GREM1: variants seen among roughly 807,000 people sequenced by gnomAD.
GREM1 encodes the protein gremlin 1, DAN family BMP antagonist.
A neutral mutation model predicts 13.1 loss-of-function variants in GREM1; 6 were observed. That is an observed-to-expected ratio of 0.46 (90% CI 0.25 to 0.91). GREM1 has a LOEUF of 0.91. GREM1 is among the 40% of genes least tolerant of loss of function. GREM1 has a pLI of 0.18. For missense variants in GREM1, 185 were observed against 233.9 expected (o/e 0.79, Z 1.36); for synonymous variants, 98 against 93.7 (o/e 1.05, Z -0.27).
At chr15:32,730,429 G>A (rs1056867183) in intron 1 of GREM1, among the ~76,000 whole-genome samples, 1 of 152,210 alleles carries the variant, frequency 6.6e-6, no homozygotes, top group South Asian at 2.1e-4. Flanking sequence ...TGTGAGAATA[G>A]GTGCAGAGAA....
intron 1 of GREM1, among the ~76,000 whole-genome samples, chr15:32,725,124 G>A (rs1470651789): frequency 6.6e-6 from 1 of 152,150 alleles, no homozygotes; most frequent in Non-Finnish European, 1.5e-5. Context: ...ATATTAGAAT[G>A]ATTTATAATC....
chr15:32,738,083 C>CAAAA lies in GREM1; in HGVS notation c.*6885_*6888dup, dbSNP rs67118209. The CAAAA allele has an allele frequency of 1.1e-4, 2 of 18,930 alleles. No homozygotes were observed. Among genetic ancestry groups the CAAAA allele is most frequent in the Middle Eastern group, 0.045 (1 of 22 alleles). The allele number at this position is 18,930 out of a possible 1,614,324, so 1.2% of individuals were successfully genotyped here. On this transcript the variant is annotated 3_prime_UTR_variant, in exon 2 of 2. Transcript: ENST00000651154. ...GGAGGTTCTACCTAGGGTAATTAGG[C>CAAAA]AAAAAAAAAAAAAAAAAAAAAAAAA...
Position 32,730,790 on chromosome 15 carries a change from C to G in GREM1, c.100C>G (p.Pro34Ala). The G allele has an allele frequency of 6.2e-7, 1 of 1,613,818 alleles. No individual in the cohort carries two copies. Among genetic ancestry groups the G allele is most frequent in the Non-Finnish European group, 8.5e-7 (1 of 1,179,978 alleles). Reference protein sequence around the residue: ...GKKKGSQGAIPPPDKAQHNDS... With the variant: ...GKKKGSQGAIAPPDKAQHNDS... ...AAAGAAAGGGTCCCAAGGTGCCATC[C>G]CCCCGCCAGACAAGGCCCAGCACAA... is the stretch of plus-strand genomic sequence containing the variant. The change falls in exon 2 of 2, where the codon CCC becomes GCC. Residue 34 changes from proline (P) to alanine (A), a missense_variant. Coordinates refer to ENST00000651154, the MANE Select transcript of GREM1 (RefSeq NM_013372.7).
intron 1 of GREM1, among the ~76,000 whole-genome samples, chr15:32,726,215 A>G (rs181408969): frequency 9.8e-5 from 15 of 152,312 alleles, no homozygotes; most frequent in African/African-American, 3.4e-4. Context: ...TCAGTATCGC[A>G]TCGCACTTAT....
chr15:32,719,282 C>T (rs551284051), intron 1 of GREM1, among the ~76,000 whole-genome samples: 2 of 152,256 alleles, frequency 1.3e-5, no homozygotes, highest in Non-Finnish European at 2.9e-5. Context: ...GCATTGCCTT[C>T]GGATCGCAGC....
In GREM1 at chr15:32,743,111, T is replaced by G. The variant is rs1338657598; in HGVS notation, c.*11866T>G. ...AAGACACGGGGTGACATGAGACCAC[T>G]TTGGCAAATCAGAATGCTCATTCCA... On this transcript the variant is annotated 3_prime_UTR_variant, in exon 2 of 2. Transcript: ENST00000651154. 3 of 152,238 alleles carry G rather than the reference T, an allele frequency of 2.0e-5. No homozygotes were observed. Among genetic ancestry groups the G allele is most frequent in the Non-Finnish European group, 2.9e-5 (2 of 68,042 alleles). 9.4% of individuals were successfully genotyped at this position (152,238 alleles called of 1,614,324 possible). A position where few individuals can be genotyped will look rare whatever the true frequency, so the allele number is the denominator to read the frequency against.
At position 32,738,083 on chromosome 15, in the gene GREM1, C is replaced by CCAAAAAAAAA. The variant is rs2055720047; in HGVS notation, c.*6838_*6839insCAAAAAAAAA. 2.1e-4 allele frequency: 4 copies of CCAAAAAAAAA among 18,910 alleles called. No homozygotes were observed. Among genetic ancestry groups the CCAAAAAAAAA allele is most frequent in the Non-Finnish European group, 2.6e-4 (3 of 11,650 alleles). The allele number at this position is 18,910 out of a possible 1,614,324, so 1.2% of individuals were successfully genotyped here. ...GGAGGTTCTACCTAGGGTAATTAGGCAAAAAAAAAAAAAAAAAAAAAAAAA... is the reference window on the plus strand; with the variant it reads ...GGAGGTTCTACCTAGGGTAATTAGGCCAAAAAAAAAAAAAAAAAAAAAAAAAAAAAAAAAA... On this transcript the variant is annotated 3_prime_UTR_variant, in exon 2 of 2. Transcript: ENST00000651154.
rs1394075714 is a variant in GREM1, at chr15:32,741,414, C to T, written c.*10169C>T. 1.3e-5 allele frequency: 2 copies of T among 150,242 alleles called. No individual in the cohort carries two copies. The highest frequency in any genetic ancestry group is 3.0e-5 in the Non-Finnish European group (2 of 67,674). The allele number at this position is 150,242 out of a possible 1,614,324, so 9.3% of individuals were successfully genotyped here. On this transcript the variant is annotated 3_prime_UTR_variant, in exon 2 of 2. Transcript: ENST00000651154. ...GACCTTTCACTTTCTTAGTTTATTC[C>T]AGGGTCTTTTTTTTTTTTGCTGCTA...
At chr15:32,728,577 A>C (rs919196921) in intron 1 of GREM1, among the ~76,000 whole-genome samples, 2 of 152,240 alleles carry the variant, frequency 1.3e-5, no homozygotes, top group African/African-American at 4.8e-5. Context: ...TGTTCATTAG[A>C]AAATCTAGAT....
In GREM1 at chr15:32,734,544, G is replaced by A. The variant is rs2055672434; in HGVS notation, c.*3299G>A. 1 of 247,076 alleles carries A rather than the reference G, an allele frequency of 4.0e-6. No homozygotes were observed. The highest frequency in any genetic ancestry group is 2.2e-5 in the African/African-American group (1 of 45,288). The allele number at this position is 247,076 out of a possible 1,614,324, so 15.3% of individuals were successfully genotyped here. On this transcript the variant is annotated 3_prime_UTR_variant, in exon 2 of 2. Transcript: ENST00000651154. ...TAGGAGGATGAAAGGGGAGTTGATA[G>A]TCTCATAAAACTAATTTGGCTTCAA... is the stretch of plus-strand genomic sequence containing the variant.
intron 1 of GREM1, among the ~76,000 whole-genome samples, chr15:32,729,178 T>C (rs1214336507): frequency 8.1e-6 from 1 of 123,796 alleles, no homozygotes; most frequent in Non-Finnish European, 1.9e-5. Flanking sequence ...CGCCCGCCAC[T>C]ACGCCCGGCT....
In GREM1 at chr15:32,731,191, G is replaced by A. The variant is rs1300990964; in HGVS notation, c.501G>A (p.Lys167=). Residue 167 remains lysine (K), a synonymous_variant, in exon 2 of 2, where the codon AAG becomes AAA. Transcript: ENST00000651154. ...NCPELQPPTK[K]KRVTRVKQCR... is the part of the protein sequence containing the mutation. The stretch of plus-strand genomic sequence containing the variant: ...CTGAACTACAGCCACCTACCAAGAA[G>A]AAGAGAGTCACACGTGTGAAGCAGT... The A allele has an allele frequency of 6.2e-7, 1 of 1,614,166 alleles. No individual in the cohort carries two copies. The highest frequency in any genetic ancestry group is 1.7e-5 in the Admixed American group (1 of 60,020).
In GREM1 at chr15:32,721,875, G is replaced by A. The variant is rs574900798; in HGVS notation, c.-2+3714G>A. 1.1e-4 allele frequency among the ~76,000 whole-genome samples: 16 copies of A among 152,268 alleles called. No homozygotes were observed. The South Asian group carries it at 2.5e-3, about 24-fold the overall frequency. ...TTAATAATTTATTACTTTCTAACTCGTTTCTTGTTGACCTCAAGAATTGTA... is the reference window on the plus strand; with the variant it reads ...TTAATAATTTATTACTTTCTAACTCATTTCTTGTTGACCTCAAGAATTGTA... On this transcript the variant is annotated intron_variant, in intron 1 of 1. Coordinates refer to ENST00000651154, the MANE Select transcript of GREM1 (RefSeq NM_013372.7).
chr15:32,738,083 C>A lies in GREM1; in HGVS notation c.*6838C>A, dbSNP rs1236138334. On this transcript the variant is annotated 3_prime_UTR_variant, in exon 2 of 2. Transcript: ENST00000651154. ...GGAGGTTCTACCTAGGGTAATTAGG[C>A]AAAAAAAAAAAAAAAAAAAAAAAAA... 34 of 18,906 alleles carry A rather than the reference C, an allele frequency of 1.8e-3. No homozygotes were observed. The highest frequency in any genetic ancestry group is 5.7e-3 in the African/African-American group (25 of 4,356). 1.2% of individuals were successfully genotyped at this position (18,906 alleles called of 1,614,324 possible).
At position 32,735,158 on chromosome 15, in the gene GREM1, T is replaced by C. The variant is rs2055681407; in HGVS notation, c.*3913T>C. ...GATATCATTTAATAGGGATGTGAAG[T>C]AGAGTAAGTCACTGCCCTTGGTGTG... On this transcript the variant is annotated 3_prime_UTR_variant, in exon 2 of 2. Transcript: ENST00000651154. The C allele has an allele frequency of 6.6e-6, 1 of 152,190 alleles. No homozygotes were observed. The highest frequency in any genetic ancestry group is 2.4e-5 in the African/African-American group (1 of 41,448). The allele number at this position is 152,190 out of a possible 1,614,324, so 9.4% of individuals were successfully genotyped here.
At position 32,738,126 on chromosome 15, in the gene GREM1, AAAAAAAAGAAAAGAAAAAAG is replaced by A. The variant is rs1567117556; in HGVS notation, c.*6882_*6901del. The A allele has an allele frequency of 9.3e-6, 1 of 107,170 alleles. No individual in the cohort carries two copies. Among genetic ancestry groups the A allele is most frequent in the African/African-American group, 4.8e-5 (1 of 20,878 alleles). 6.6% of individuals were successfully genotyped at this position (107,170 alleles called of 1,614,324 possible). On this transcript the variant is annotated 3_prime_UTR_variant, in exon 2 of 2. Transcript: ENST00000651154. Reference sequence around the variant, plus strand: ...AAAAAAAAAAAAAAAAAAAAAAAAAAAAAAAAAGAAAAGAAAAAAGTCATCCAGATTGGAAAAGAAATAAA... The same window carrying A: ...AAAAAAAAAAAAAAAAAAAAAAAAAATCATCCAGATTGGAAAAGAAATAAA...
intron 1 of GREM1, among the ~76,000 whole-genome samples, chr15:32,721,716 T>C (rs935985214): frequency 1.3e-5 from 2 of 152,070 alleles, no homozygotes; most frequent in African/African-American, 4.8e-5. Flanking sequence ...ATCGTGCCAG[T>C]GCACTCCAGC....
At position 32,731,503 on chromosome 15, in the gene GREM1, T is replaced by G. The variant is rs983369017; in HGVS notation, c.*258T>G. On this transcript the variant is annotated 3_prime_UTR_variant, in exon 2 of 2. Transcript: ENST00000651154. ...GTAAACATATCTGCTTTAATGGGGA[T>G]GTACCAGAAACCCACCTCACCCCGG... 4 of 503,580 alleles carry G rather than the reference T, an allele frequency of 7.9e-6. No individual in the cohort carries two copies. The Admixed American group carries it at 1.5e-4, about 19-fold the overall frequency. 31.2% of individuals were successfully genotyped at this position (503,580 alleles called of 1,614,324 possible). A position where few individuals can be genotyped will look rare whatever the true frequency, so the allele number is the denominator to read the frequency against.
At position 32,743,614 on chromosome 15, in the gene GREM1, G is replaced by A. The variant is rs1187122815; in HGVS notation, c.*12369G>A. 1 of 152,212 alleles carries A rather than the reference G, an allele frequency of 6.6e-6. No individual in the cohort carries two copies. Among genetic ancestry groups the A allele is most frequent in the Non-Finnish European group, 1.5e-5 (1 of 68,098 alleles). The allele number at this position is 152,212 out of a possible 1,614,324, so 9.4% of individuals were successfully genotyped here. On this transcript the variant is annotated 3_prime_UTR_variant, in exon 2 of 2. Coordinates refer to ENST00000651154, the MANE Select transcript of GREM1 (RefSeq NM_013372.7). ...TGTGTAGGCAAGGTGTCAGTAGGGGGCTGCAATTATCTAAAGGCTTGCCTG... is the reference window on the plus strand; with the variant it reads ...TGTGTAGGCAAGGTGTCAGTAGGGGACTGCAATTATCTAAAGGCTTGCCTG...
Sources: allele counts gnomAD v4.1 joint callset (sites outside exome capture counted in the v4.1 genomes callset), GRCh38; gene constraint gnomAD v4.1.1; transcripts MANE v1.5; gene names NCBI Gene and HGNC (gene_info 2026-07-23, HGNC 2026-07-21).